Variants in UIMC1 observed in about 807,000 individuals in gnomAD.
UIMC1 encodes BRCA1-A complex subunit RAP80.
UIMC1 carries 42 observed loss-of-function variants against 84.9 expected under a neutral mutation model. The ratio of observed to expected loss-of-function variants is 0.49; its 90% CI spans 0.39 to 0.64. The LOEUF is 0.64. Among genes scored for constraint, UIMC1 ranks in the 30% least tolerant of loss-of-function variants. The pLI is 0.00. For synonymous variants in UIMC1, 281 were observed against 293.0 expected, an observed-to-expected ratio of 0.96 and a Z score of 0.42; for missense variants, 825 against 847.6, an observed-to-expected ratio of 0.97 and a Z score of 0.33.
intron 2 of UIMC1, among the ~76,000 whole-genome samples, chr5:176,976,241 A>G: frequency 6.6e-6 from 1 of 152,134 alleles, no homozygotes; most frequent in Non-Finnish European, 1.5e-5. Context: ...CTTGAACCCA[A>G]GACTTCCAGG....
chr5:176,985,083 A>G (rs1395504993), intron 1 of UIMC1, among the ~76,000 whole-genome samples: 1 of 152,180 alleles, frequency 6.6e-6, no homozygotes, highest in Non-Finnish European at 1.5e-5. Flanking sequence ...CCCAAGAATG[A>G]TCAATAAATA....
intron 1 of UIMC1, among the ~76,000 whole-genome samples, chr5:176,991,980 G>A (rs1772926450): frequency 6.6e-6 from 1 of 152,038 alleles, no homozygotes; most frequent in Non-Finnish European, 1.5e-5. Context: ...AAATTAGCCA[G>A]GTGTGGTGGT....
Position 176,907,148 on chromosome 5 carries a change from AAG to A in UIMC1, c.1876_1877del (p.Leu626Ter). On this transcript the variant is annotated frameshift_variant, in exon 13 of 15. Transcript: ENST00000511320. LOFTEE classifies it high-confidence loss of function. Reference protein sequence around the residue: ...KEKGHSEGRLLSFLEQSEHKT... With the variant: ...KEKGHSEGRLXSFLEQSEHKT... ...TGTGCTCAGACTGTTCCAAGAAACTAAGGAGTCGGCCTTCACTGTGGCCTTTT... is the reference window on the plus strand; with the variant it reads ...TGTGCTCAGACTGTTCCAAGAAACTAGAGTCGGCCTTCACTGTGGCCTTTT... 1 of 1,613,898 alleles carries A rather than the reference AAG, an allele frequency of 6.2e-7. No homozygotes were observed. The highest frequency in any genetic ancestry group is 8.5e-7 in the Non-Finnish European group (1 of 1,179,856).
intron 10 of UIMC1, among the ~76,000 whole-genome samples, chr5:176,923,853 G>A (rs1306194882): frequency 2.3e-5 from 3 of 129,092 alleles, no homozygotes; most frequent in Non-Finnish European, 4.9e-5. Flanking sequence ...AACAGAGCAA[G>A]ACTCTGTCTC....
intron 1 of UIMC1, among the ~76,000 whole-genome samples, chr5:176,996,308 T>G (rs1209192414): frequency 6.6e-6 from 1 of 152,112 alleles, no homozygotes; most frequent in Non-Finnish European, 1.5e-5. Context: ...AAATTACTGG[T>G]AAGGGGCAGG....
chr5:176,997,606 A>AC (rs774568768), intron 1 of UIMC1, among the ~76,000 whole-genome samples: 49 of 149,788 alleles, frequency 3.3e-4, no homozygotes, highest in Non-Finnish European at 6.6e-4. Flanking sequence ...AATGCCGTGA[A>AC]CCCAGGAGAC....
At chr5:177,015,685 ACT>A (rs1163213798) in intron 1 of UIMC1, among the ~76,000 whole-genome samples, 1 of 151,536 alleles carries the variant, frequency 6.6e-6, no homozygotes, top group African/African-American at 2.4e-5. Flanking sequence ...TGATCAACAG[ACT>A]CCCCTCTGCC....
At chr5:176,967,125 C>T (rs773679405) in intron 6 of UIMC1, among the ~76,000 whole-genome samples, 2 of 152,122 alleles carry the variant, frequency 1.3e-5, no homozygotes, top group Non-Finnish European at 2.9e-5. Flanking sequence ...GGCAATTTGG[C>T]AACAGCTAAT....
intron 11 of UIMC1, among the ~76,000 whole-genome samples, chr5:176,909,927 C>T (rs768940093): frequency 2.6e-5 from 4 of 152,120 alleles, no homozygotes; most frequent in African/African-American, 7.2e-5. Context: ...ACTTAAAAAA[C>T]GAAAGAATAA....
chr5:177,020,596 A>G (rs1019584373), intron 1 of UIMC1, among the ~76,000 whole-genome samples: 1 of 152,092 alleles, frequency 6.6e-6, no homozygotes, highest in Non-Finnish European at 1.5e-5. Flanking sequence ...ACGCCCGGCT[A>G]ATTTTTTTGT....
intron 1 of UIMC1, among the ~76,000 whole-genome samples, chr5:176,983,233 C>G (rs535800125): frequency 2.0e-5 from 3 of 152,132 alleles, no homozygotes; most frequent in Non-Finnish European, 2.9e-5. Context: ...AGCCCTCTCC[C>G]TCTCCCCCTC....
chr5:177,019,792 T>C (rs1775748230), intron 1 of UIMC1, among the ~76,000 whole-genome samples: 1 of 151,252 alleles, frequency 6.6e-6, no homozygotes, highest in African/African-American at 2.4e-5. Flanking sequence ...CATAGCTGGG[T>C]ATAGTGATGG....
chr5:176,985,017 G>A (rs1340406273), intron 1 of UIMC1, among the ~76,000 whole-genome samples: 1 of 152,002 alleles, frequency 6.6e-6, no homozygotes, highest in Admixed American at 6.6e-5. Context: ...TTTATCTGCT[G>A]ACCTTCTCTC....
chr5:177,015,764 G>A (rs1775656154), intron 1 of UIMC1, among the ~76,000 whole-genome samples: 1 of 151,968 alleles, frequency 6.6e-6, no homozygotes. Flanking sequence ...GCTTCCCTGC[G>A]TCCCTAAAGA....
At chr5:176,943,834 A>G (rs892395626) in intron 9 of UIMC1, among the ~76,000 whole-genome samples, 2 of 152,220 alleles carry the variant, frequency 1.3e-5, no homozygotes, top group African/African-American at 4.8e-5. Context: ...CTCCTTTTGT[A>G]CACGTGAGAA....
At chr5:176,941,259 T>A (rs556242898) in intron 10 of UIMC1, among the ~76,000 whole-genome samples, 246 of 151,706 alleles carry the variant, frequency 1.6e-3, no homozygotes, top group African/African-American at 5.8e-3. Flanking sequence ...AATTTTACAG[T>A]CAGACCTCAA....
intron 1 of UIMC1, among the ~76,000 whole-genome samples, chr5:176,994,932 C>A (rs958128508): frequency 1.5e-5 from 2 of 135,584 alleles, no homozygotes; most frequent in Non-Finnish European, 3.1e-5. Context: ...AATTTGTTTT[C>A]TTTTCTTATC....
intron 1 of UIMC1, among the ~76,000 whole-genome samples, chr5:176,987,995 G>A (rs889603719): frequency 2.0e-5 from 3 of 151,846 alleles, no homozygotes; most frequent in Middle Eastern, 3.4e-3. Flanking sequence ...ATGTGGTGGC[G>A]CACTTGTAGT....
chr5:176,988,756 T>G (rs1772390886), intron 1 of UIMC1, among the ~76,000 whole-genome samples: 2 of 150,268 alleles, frequency 1.3e-5, no homozygotes, highest in South Asian at 2.1e-4. Flanking sequence ...CGATCTCTGC[T>G]CACTGCAGCC....
Sources: gnomAD v4.1 joint callset for allele counts (sites outside exome capture counted in the v4.1 genomes callset) on GRCh38, gnomAD v4.1.1 for gene constraint, MANE v1.5 for transcripts, NCBI Gene and HGNC (gene_info 2026-07-23, HGNC 2026-07-21) for gene names.